Variants in KIAA2012 observed in about 807,000 individuals in gnomAD.
KIAA2012 encodes uncharacterized protein KIAA2012.
A neutral mutation model predicts 150.6 loss-of-function variants in KIAA2012; 125 were observed. That is an observed-to-expected ratio of 0.83 (90% CI 0.72 to 0.96). The LOEUF is 0.96. Ranked by LOEUF, KIAA2012 falls within the 40% of genes least tolerant of loss-of-function variation. KIAA2012 has a pLI of 0.00. For missense variants in KIAA2012, 1,219 were observed against 1,354.9 expected, an observed-to-expected ratio of 0.90 and a Z score of 1.57; for synonymous variants, 462 against 504.7, an observed-to-expected ratio of 0.92 and a Z score of 1.13.
At chr2:202,169,888 C>T (rs34949776) in intron 15 of KIAA2012, among the ~76,000 whole-genome samples, 44,293 of 152,088 alleles carry the variant, frequency 0.29, 7,449 homozygotes, top group Non-Finnish European at 0.38. Flanking sequence ...TTCTCTGGGC[C>T]TTGGTCTCCT....
chr2:202,098,632 C>G (rs1232008521), intron 5 of KIAA2012, among the ~76,000 whole-genome samples: 1 of 152,086 alleles, frequency 6.6e-6, no homozygotes, highest in South Asian at 2.1e-4. Flanking sequence ...TTGGGTCCTG[C>G]TTTTTGATAG....
At chr2:202,126,041 G>C (rs1367816336) in intron 12 of KIAA2012, 1 of 289,468 alleles carries the variant, frequency 3.5e-6, no homozygotes, top group Non-Finnish European at 6.3e-6. Context: ...TGCAACCTCT[G>C]ACTCCCGGGT....
At chr2:202,168,972 T>C (rs184511509) in intron 15 of KIAA2012, among the ~76,000 whole-genome samples, 46 of 152,338 alleles carry the variant, frequency 3.0e-4, no homozygotes, top group Middle Eastern at 3.4e-3. Flanking sequence ...GTAGATAGGA[T>C]GTTGGTACAA....
chr2:202,190,258 T>C lies in KIAA2012; in HGVS notation c.2576T>C (p.Leu859Pro), dbSNP rs1464062718. ...AAAAGGACACAGAAGGAAAGAAATC[T>C]GGAGATAGCGGCAGAGCTGAGCGGG... is the stretch of plus-strand genomic sequence containing the variant. ...QRKRTQKERN[L>P]EIAAELSGPD... Residue 859 changes from leucine to proline, a missense_variant, in exon 19 of 24, where the codon CTG becomes CCG. Physicochemically the swap from Leu to Pro is moderately conservative, Grantham distance 98. Coordinates refer to ENST00000498697, the MANE Select transcript of KIAA2012 (RefSeq NM_001277372.4). 1.9e-6 allele frequency: 3 copies of C among 1,549,536 alleles called. No individual in the cohort carries two copies. The highest frequency in any genetic ancestry group is 2.6e-6 in the Non-Finnish European group (3 of 1,146,772).
intron 4 of KIAA2012, 84 bp downstream of exon 4, chr2:202,093,269 C>T: frequency 1.4e-6 from 2 of 1,406,696 alleles, no homozygotes; most frequent in South Asian, 1.3e-5. Flanking sequence ...TTTCCCAAAA[C>T]AAGGTCTTGA....
chr2:202,074,889 A>G lies in KIAA2012; in HGVS notation c.85-2A>G. 6.5e-7 allele frequency: 1 copy of G among 1,541,934 alleles called. No homozygotes were observed. Among genetic ancestry groups the G allele is most frequent in the South Asian group, 1.2e-5 (1 of 82,424 alleles). On this transcript the variant is annotated splice_acceptor_variant, in intron 1 of 23. Transcript: ENST00000498697. LOFTEE classifies it high-confidence loss of function. ...CGTCAAAGTGGCTGCTTCTCATTGC[A>G]GGATTACTTGAACTGGAGGTCCCCA...
chr2:202,100,980 G>T (rs1441623188), intron 7 of KIAA2012, among the ~76,000 whole-genome samples: 1 of 152,154 alleles, frequency 6.6e-6, no homozygotes, highest in African/African-American at 2.4e-5. Flanking sequence ...GTTCTATGTG[G>T]GTCTTTCTTT....
chr2:202,073,642 C>A lies in KIAA2012; in HGVS notation c.15C>A (p.Ser5=). Residue 5 remains serine (S), a synonymous_variant, in exon 1 of 24, where the codon TCC becomes TCA. Transcript: ENST00000498697. MFTL[S]LLSRGHGKLG... is the part of the protein sequence containing the mutation. ...CAGAGGGAAACATGTTCACGCTCTC[C>A]CTCCTGAGCCGGGGCCACGGGAAGC... is the stretch of plus-strand genomic sequence containing the variant. 8 of 1,550,382 alleles carry A rather than the reference C, an allele frequency of 5.2e-6. No homozygotes were observed. Among genetic ancestry groups the A allele is most frequent in the Non-Finnish European group, 7.0e-6 (8 of 1,146,908 alleles).
At chr2:202,180,794 C>T (rs1692102813) in intron 15 of KIAA2012, among the ~76,000 whole-genome samples, 2 of 152,188 alleles carry the variant, frequency 1.3e-5, no homozygotes, top group African/African-American at 2.4e-5. Context: ...CACTGCACTC[C>T]AGCCTGGGCG....
intron 2 of KIAA2012, among the ~76,000 whole-genome samples, chr2:202,080,361 CA>C (rs1156239823): frequency 2.0e-5 from 3 of 152,108 alleles, no homozygotes; most frequent in African/African-American, 7.2e-5. Flanking sequence ...TTATGTACTT[CA>C]TTCATTTGTT....
rs1407864028 is a variant in KIAA2012 at position 202,190,331 on chromosome 2, C to T, written c.2649C>T (p.Ser883=). The T allele has an allele frequency of 1.9e-6, 3 of 1,550,562 alleles. No individual in the cohort carries two copies. The highest frequency in any genetic ancestry group is 1.7e-6 in the Non-Finnish European group (2 of 1,147,016). The change falls in exon 19 of 24, where the codon TCC becomes TCT. Residue 883 remains serine (S), a synonymous_variant. Coordinates refer to ENST00000498697, the MANE Select transcript of KIAA2012 (RefSeq NM_001277372.4). ...EETEDTSNRG[S]FASDSFVEDP... ...CAGAAGACACCTCAAATAGAGGTTC[C>T]TTTGCCTCAGACTCCTTTGTAGAGG...
chr2:202,121,808 C>A (rs775462585), intron 11 of KIAA2012, among the ~76,000 whole-genome samples: 1 of 152,150 alleles, frequency 6.6e-6, no homozygotes, highest in Non-Finnish European at 1.5e-5. Context: ...AAGCCAGTAA[C>A]TGTACCACAA....
chr2:202,188,248 C>A lies in KIAA2012; in HGVS notation c.2473C>A (p.Gln825Lys). The A allele has an allele frequency of 6.5e-7, 1 of 1,549,756 alleles. No individual in the cohort carries two copies. Among genetic ancestry groups the A allele is most frequent in the South Asian group, 1.2e-5 (1 of 83,986 alleles). Residue 825 changes from glutamine (Q) to lysine (K), a missense_variant, in exon 18 of 24, where the codon CAA (glutamine) becomes AAA (lysine). Gln to Lys is a moderately conservative substitution (Grantham distance 53). Transcript: ENST00000498697. ...KSEREGKVYGQAEAAIGKSKD... is the reference protein window; with the variant it reads ...KSEREGKVYGKAEAAIGKSKD... The stretch of plus-strand genomic sequence containing the variant: ...CGAGAGAGAAGGAAAGGTCTACGGG[C>A]AAGCAGAGGCTGCCATTGGTAAGAG...
chr2:202,077,808 C>G (rs779470166), intron 2 of KIAA2012, among the ~76,000 whole-genome samples: 4 of 151,822 alleles, frequency 2.6e-5, no homozygotes, highest in Non-Finnish European at 5.9e-5. Flanking sequence ...CTGTTTCTAT[C>G]AAAATAAAAA....
intron 2 of KIAA2012, among the ~76,000 whole-genome samples, chr2:202,088,924 G>T (rs1053439620): frequency 6.6e-6 from 1 of 152,102 alleles, no homozygotes; most frequent in African/African-American, 2.4e-5. Flanking sequence ...CAGAGCTCAC[G>T]CAAGATCACA....
intron 15 of KIAA2012, chr2:202,179,234 T>G: frequency 1.4e-6 from 1 of 717,938 alleles, no homozygotes; most frequent in Non-Finnish European, 2.4e-6. Context: ...GGGAACAATT[T>G]GGCAGTAGGC....
At chr2:202,106,874 T>C in intron 9 of KIAA2012, among the ~76,000 whole-genome samples, 1 of 152,148 alleles carries the variant, frequency 6.6e-6, no homozygotes, top group South Asian at 2.1e-4. Context: ...AAACTGAGCC[T>C]CCTTTCCAAA....
chr2:202,179,630 G>C (rs974635086), intron 15 of KIAA2012: 6 of 660,090 alleles, frequency 9.1e-6, no homozygotes, highest in Non-Finnish European at 1.8e-5. Flanking sequence ...CTAGTGCGGA[G>C]AGTAGCTTCT....
intron 15 of KIAA2012, among the ~76,000 whole-genome samples, chr2:202,168,439 GA>G (rs558727491): frequency 0.025 from 3,590 of 142,238 alleles, 59 homozygotes; most frequent in Middle Eastern, 0.043. Context: ...AAAAAAGAAA[GA>G]AAAAAAAAGA....
Sources: gnomAD v4.1 joint callset for allele counts (sites outside exome capture counted in the v4.1 genomes callset) on GRCh38, gnomAD v4.1.1 for gene constraint, MANE v1.5 for transcripts, NCBI Gene and HGNC (gene_info 2026-07-23, HGNC 2026-07-21) for gene names.